The following TAF2 variants were observed in gnomAD, a reference collection of about 807,000 sequenced individuals.
TAF2 encodes transcription initiation factor TFIID subunit 2.
Under a neutral mutation model 138.5 loss-of-function variants are expected in TAF2, and 61 were observed. That is an observed-to-expected ratio of 0.44 (90% confidence interval 0.36 to 0.54). The LOEUF is 0.54. Ranked by LOEUF, TAF2 falls within the 20% of genes least tolerant of loss-of-function variation. The pLI is 0.00. For synonymous variants in TAF2, 475 were observed against 469.9 expected, an observed-to-expected ratio of 1.01 and a Z score of -0.14; for missense variants, 1,090 against 1,427.9, an observed-to-expected ratio of 0.76 and a Z score of 3.81.
intron 15 of TAF2, 77 bp from the exon 16 acceptor site, chr8:119,783,710 C>T (rs1822830934): frequency 6.8e-7 from 1 of 1,475,988 alleles, no homozygotes; most frequent in Non-Finnish European, 9.1e-7. Flanking sequence ...AAATACAAAG[C>T]ATTTATTTAC....
At chr8:119,796,965 T>C in intron 8 of TAF2, 25 bp downstream of exon 8, 2 of 1,457,940 alleles carry the variant, frequency 1.4e-6, no homozygotes, top group East Asian at 2.3e-5. Flanking sequence ...CTCTTCTCAG[T>C]AGTATGAACT....
chr8:119,810,281 T>A (rs1450856758), intron 3 of TAF2, among the ~76,000 whole-genome samples: 1 of 152,186 alleles, frequency 6.6e-6, no homozygotes, highest in Non-Finnish European at 1.5e-5. Flanking sequence ...CTGGCTTGTG[T>A]CACTAGGTTT....
intron 18 of TAF2, among the ~76,000 whole-genome samples, chr8:119,763,573 T>C (rs1288205685): frequency 6.6e-6 from 1 of 151,618 alleles, no homozygotes; most frequent in African/African-American, 2.4e-5. Context: ...CTACTAAAAA[T>C]ACAAAAATTA....
intron 3 of TAF2, among the ~76,000 whole-genome samples, chr8:119,815,245 G>C (rs1052406096): frequency 6.6e-6 from 1 of 151,544 alleles, no homozygotes; most frequent in Non-Finnish European, 1.5e-5. Flanking sequence ...TTGCACCATT[G>C]CACTCCAGCC....
chr8:119,766,076 C>A (rs1821400529), intron 18 of TAF2, among the ~76,000 whole-genome samples: 1 of 152,172 alleles, frequency 6.6e-6, no homozygotes, highest in Non-Finnish European at 1.5e-5. Flanking sequence ...ATATACACTA[C>A]AACTATGATA....
At chr8:119,734,439 T>C (rs1819083944) in intron 25 of TAF2, among the ~76,000 whole-genome samples, 1 of 152,180 alleles carries the variant, frequency 6.6e-6, no homozygotes, top group Admixed American at 6.5e-5. Flanking sequence ...CACAGAAGCT[T>C]TCTAAAAATT....
At chr8:119,797,403 T>C (rs1427952595) in intron 7 of TAF2, among the ~76,000 whole-genome samples, 1 of 152,098 alleles carries the variant, frequency 6.6e-6, no homozygotes, top group African/African-American at 2.4e-5. Context: ...AAAGAATTTA[T>C]GAACACAAGA....
chr8:119,742,480 T>C, intron 25 of TAF2, 54 bp downstream of exon 25: 2 of 1,590,882 alleles, frequency 1.3e-6, no homozygotes, highest in Non-Finnish European at 1.7e-6. Flanking sequence ...CTCTATTACA[T>C]TTATAGATTT....
At chr8:119,817,492 C>T (rs975941335) in intron 3 of TAF2, among the ~76,000 whole-genome samples, 1 of 152,152 alleles carries the variant, frequency 6.6e-6, no homozygotes, top group South Asian at 2.1e-4. Flanking sequence ...GAAAAACTGT[C>T]TTCCAAGAAA....
chr8:119,825,348 G>A (rs1826029922), intron 2 of TAF2, among the ~76,000 whole-genome samples: 1 of 152,268 alleles, frequency 6.6e-6, no homozygotes, highest in South Asian at 2.1e-4. Context: ...TATCTAGGCA[G>A]TAACTAACTT....
chr8:119,807,503 G>A (rs539574802), intron 3 of TAF2, among the ~76,000 whole-genome samples: 1 of 152,312 alleles, frequency 6.6e-6, no homozygotes, highest in Non-Finnish European at 1.5e-5. Context: ...AATACAAGAT[G>A]AAATACACAA....
At chr8:119,819,319 T>C (rs368705685) in intron 3 of TAF2, 27 bp downstream of exon 3, 10 of 1,607,202 alleles carry the variant, frequency 6.2e-6, no homozygotes, top group South Asian at 5.5e-5. Context: ...CTGTTAAAAA[T>C]AGTGACTTTT....
intron 18 of TAF2, among the ~76,000 whole-genome samples, chr8:119,772,429 T>C (rs1213757690): frequency 2.0e-5 from 3 of 152,036 alleles, no homozygotes; most frequent in South Asian, 2.1e-4. Context: ...AAGGAAATAA[T>C]AGAAACTGGG....
intron 15 of TAF2, among the ~76,000 whole-genome samples, chr8:119,784,954 G>A (rs1459712386): frequency 1.3e-5 from 2 of 152,268 alleles, no homozygotes; most frequent in Middle Eastern, 3.4e-3. Context: ...CCTAGTCAAA[G>A]TTGTGCTCAC....
chr8:119,825,385 G>A (rs775933737), intron 2 of TAF2, among the ~76,000 whole-genome samples: 16 of 152,296 alleles, frequency 1.1e-4, no homozygotes, highest in South Asian at 4.1e-4. Context: ...GCTCATAGGC[G>A]GAAGGGACTT....
intron 19 of TAF2, 121 bp downstream of exon 19, chr8:119,762,294 T>A: frequency 1.1e-6 from 1 of 919,704 alleles, no homozygotes; most frequent in Non-Finnish European, 1.6e-6. Context: ...GGTGGTAGAA[T>A]CATACAGAAT....
In TAF2 at chr8:119,731,680, T is replaced by G; in HGVS notation, c.*244A>C. 2 of 528,944 alleles carry G rather than the reference T, an allele frequency of 3.8e-6. No individual in the cohort carries two copies. The highest frequency in any genetic ancestry group is 3.4e-6 in the Non-Finnish European group (1 of 293,922). 32.8% of individuals were successfully genotyped at this position (528,944 alleles called of 1,614,324 possible). ...TTTATGAAAGGGAGTTTGCTCTGTG[T>G]GTGTGTTTTGGGGAGGAAACAGCGG... On this transcript the variant is annotated 3_prime_UTR_variant, in exon 26 of 26. Coordinates refer to ENST00000378164, the MANE Select transcript of TAF2 (RefSeq NM_003184.4).
rs751780014 is a variant in TAF2 at position 119,746,736 on chromosome 8, CTGCT to C, written c.3073_3076del (p.Ser1025ValfsTer5). The C allele has an allele frequency of 6.2e-7, 1 of 1,614,150 alleles. No homozygotes were observed. Among genetic ancestry groups the C allele is most frequent in the Non-Finnish European group, 8.5e-7 (1 of 1,180,002 alleles). ...CTGAAATCCAACTAGCTGTGGGTGA[CTGCT>C]TGGATTATTTGCAGCTTCTTGGTTG... On this transcript the variant is annotated frameshift_variant, in exon 23 of 26. Transcript: ENST00000378164. LOFTEE classifies it high-confidence loss of function.
intron 22 of TAF2, among the ~76,000 whole-genome samples, chr8:119,752,036 A>G (rs776686811): frequency 6.6e-6 from 1 of 152,152 alleles, no homozygotes; most frequent in Non-Finnish European, 1.5e-5. Context: ...TAATGATCCC[A>G]TTTATTTTAA....
Sources: allele counts gnomAD v4.1 joint callset (sites outside exome capture counted in the v4.1 genomes callset), GRCh38; gene constraint gnomAD v4.1.1; transcripts MANE v1.5; gene names NCBI Gene and HGNC (gene_info 2026-07-23, HGNC 2026-07-21).